IFFO1: variants seen among roughly 807,000 people sequenced by gnomAD.
IFFO1 encodes the protein intermediate filament family orphan 1.
Under a neutral mutation model 59.6 loss-of-function variants are expected in IFFO1, and 42 were observed. The observed-to-expected ratio is 0.70, with a 90% CI of 0.55 to 0.91. The LOEUF (loss-of-function observed/expected upper bound fraction) is 0.91, where lower values mean the gene tolerates loss of function less well. Ranked by LOEUF, IFFO1 falls within the 40% of genes least tolerant of loss-of-function variation. The pLI is 0.00. For missense variants in IFFO1, 711 were observed against 793.2 expected, an observed-to-expected ratio of 0.90 and a Z score of 1.24; for synonymous variants, 336 against 342.8, an observed-to-expected ratio of 0.98 and a Z score of 0.22.
chr12:6,540,586 T>C lies in IFFO1; in HGVS notation c.1613A>G (p.Lys538Arg). The change falls in exon 10 of 10, where the codon AAG (lysine) becomes AGG (arginine). Residue 538 changes from lysine to arginine, a missense_variant and splice_region_variant. Around this residue, in one of 3 missense-constraint regions of IFFO1, gnomAD observed 579 missense variants for 650.3 expected, o/e 0.89. Transcript: ENST00000619571. The stretch of plus-strand genomic sequence containing the variant: ...CGGGACCGCAGTGAAAGCAGGAGAC[T>C]TTCTAGAAAAAAACACCAGTTGTCA... The part of the protein sequence containing the change: ...RRLITQSGDR[K>R]SPAFTAVPLS... 2.5e-6 allele frequency: 4 copies of C among 1,612,992 alleles called. No individual in the cohort carries two copies. Among genetic ancestry groups the C allele is most frequent in the Non-Finnish European group, 3.4e-6 (4 of 1,179,678 alleles).
At chr12:6,552,978 A>G (rs1427716803) in intron 1 of IFFO1, among the ~76,000 whole-genome samples, 1 of 152,220 alleles carries the variant, frequency 6.6e-6, no homozygotes, top group African/African-American at 2.4e-5. Context: ...GAAGAGAGAA[A>G]GCAGGGACCA....
At position 6,548,408 on chromosome 12, in the gene IFFO1, C is replaced by T; in HGVS notation, c.1383+17G>A. ...GAGGCAGAGCCAGAGGGCCCTGAGG[C>T]CGGGAGCAGAGGTTACCTCTCCCTG... On this transcript the variant is annotated intron_variant, in intron 7 of 9. Transcript: ENST00000619571. This position sits in a 1 kb window ranked among gnomAD's most constrained non-coding sequence, Gnocchi z 6.1. 6.3e-7 allele frequency: 1 copy of T among 1,596,926 alleles called. No individual in the cohort carries two copies. Among genetic ancestry groups the T allele is most frequent in the Non-Finnish European group, 8.5e-7 (1 of 1,171,800 alleles).
At chr12:6,539,529 G>C (rs181751345), downstream of IFFO1, 54 of 151,966 alleles carry the variant, frequency 3.6e-4, no homozygotes, top group African/African-American at 1.3e-3. Context: ...ACACCAAAGT[G>C]CACAATAAAT....
chr12:6,548,052 C>T lies in IFFO1; in HGVS notation c.1479+13G>A, dbSNP rs75976428. 1.1e-3 allele frequency: 1,847 copies of T among 1,606,992 alleles called. 18 individuals carry two copies. The African/African-American group carries it at 0.022, about 19-fold the overall frequency. ...TGGGACACCACGCCCCTGGCTTCCG[C>T]TCCTGCCCTTACCTCTATCTGGTCA... On this transcript the variant is annotated intron_variant, in intron 8 of 9. Coordinates refer to ENST00000619571, the MANE Select transcript of IFFO1 (RefSeq NM_001193457.2). The surrounding 1 kb of genome is among the most constrained non-coding windows in gnomAD (Gnocchi z 6.1).
At chr12:6,546,544 T>C (rs935299758) in intron 8 of IFFO1, among the ~76,000 whole-genome samples, 9 of 152,260 alleles carry the variant, frequency 5.9e-5, no homozygotes, top group Middle Eastern at 3.4e-3. Context: ...AGTGCAGTGG[T>C]GCGATCTCGG....
At chr12:6,553,989 C>T (rs1469280371) in intron 1 of IFFO1, among the ~76,000 whole-genome samples, 2 of 151,978 alleles carry the variant, frequency 1.3e-5, no homozygotes, top group African/African-American at 4.8e-5. Context: ...CTTTACTTTG[C>T]ATTTACTTCT....
intron 8 of IFFO1, among the ~76,000 whole-genome samples, chr12:6,546,732 T>A (rs1946985994): frequency 6.6e-6 from 1 of 151,930 alleles, no homozygotes; most frequent in South Asian, 2.1e-4. Context: ...CTCGTGATCT[T>A]CCCGCCTCGG....
In IFFO1 at chr12:6,542,269, C is replaced by T. The variant is rs554365217; in HGVS notation, c.1480-627G>A. On this transcript the variant is annotated intron_variant, in intron 8 of 9. Coordinates refer to ENST00000619571, the MANE Select transcript of IFFO1 (RefSeq NM_001193457.2). ...ATTGGAGGTGCCATTGATTCTGAGA[C>T]CTGTCCTGATTTCAGAAATGTCACA... is the stretch of plus-strand genomic sequence containing the variant. Among the ~76,000 whole-genome samples, 28 of 152,336 alleles carry T rather than the reference C, an allele frequency of 1.8e-4. No homozygotes were observed. In the East Asian group the frequency reaches 5.4e-3, roughly 29 times the overall value.
chr12:6,540,364 G>C lies in IFFO1; in HGVS notation c.*119C>G. On this transcript the variant is annotated 3_prime_UTR_variant, in exon 10 of 10. Coordinates refer to ENST00000619571, the MANE Select transcript of IFFO1 (RefSeq NM_001193457.2). ...GAAAGCCTGAGGGAGGAGCGCCCCAGTCCCCAGGGACCGGCCTGGTGCAGA... is the reference window on the plus strand; with the variant it reads ...GAAAGCCTGAGGGAGGAGCGCCCCACTCCCCAGGGACCGGCCTGGTGCAGA... 1.2e-6 allele frequency: 1 copy of C among 837,690 alleles called. No homozygotes were observed. The highest frequency in any genetic ancestry group is 2.0e-6 in the Non-Finnish European group (1 of 494,106). 51.9% of individuals were successfully genotyped at this position (837,690 alleles called of 1,614,324 possible).
In IFFO1 at chr12:6,549,642, T is replaced by G; in HGVS notation, c.1071+114A>C. 1 of 1,459,786 alleles carries G rather than the reference T, an allele frequency of 6.9e-7. No individual in the cohort carries two copies. Among genetic ancestry groups the G allele is most frequent in the Non-Finnish European group, 9.4e-7 (1 of 1,061,560 alleles). 90.4% of individuals were successfully genotyped at this position (1,459,786 alleles called of 1,614,324 possible). On this transcript the variant is annotated intron_variant, in intron 4 of 9. Coordinates refer to ENST00000619571, the MANE Select transcript of IFFO1 (RefSeq NM_001193457.2). The surrounding 1 kb of genome is among the most constrained non-coding windows in gnomAD (Gnocchi z 5.0). ...CAGTCTAGCCCCGTGAGGGCCCCAGTTGCCAGGTAAGGCTCCCCAAGCAGG... is the reference window on the plus strand; with the variant it reads ...CAGTCTAGCCCCGTGAGGGCCCCAGGTGCCAGGTAAGGCTCCCCAAGCAGG...
chr12:6,546,606 C>T (rs1018446715), intron 8 of IFFO1, among the ~76,000 whole-genome samples: 1 of 152,222 alleles, frequency 6.6e-6, no homozygotes, highest in Non-Finnish European at 1.5e-5. Context: ...GCCTCAGCCT[C>T]CCGAGTAGCT....
chr12:6,555,737 T>C lies in IFFO1; in HGVS notation c.293A>G (p.Asn98Ser), dbSNP rs2136155540. ...LAKVHELERR[N>S]RLLEKQLQQA... ...CTGCAGTTGCTTCTCCAACAGCCGG[T>C]TCCGGCGCTCCAGCTCATGCACCTT... The change falls in exon 1 of 10, where the codon AAC (asparagine) becomes AGC (serine). Residue 98 changes from asparagine to serine, a missense_variant. By Grantham distance (46) the Asn-to-Ser change is conservative. This residue lies in a region of IFFO1 where 18 missense variants were observed against 40.5 expected (regional missense o/e 0.44). Coordinates refer to ENST00000619571, the MANE Select transcript of IFFO1 (RefSeq NM_001193457.2). The surrounding 1 kb of genome is among the most constrained non-coding windows in gnomAD (Gnocchi z 8.6). 6.2e-7 allele frequency: 1 copy of C among 1,612,774 alleles called. No homozygotes were observed. The highest frequency in any genetic ancestry group is 8.5e-7 in the Non-Finnish European group (1 of 1,179,354).
rs935955015 is a variant in IFFO1, at chr12:6,549,048, G to A, written c.1081-199C>T. 2.3e-5 allele frequency: 14 copies of A among 596,722 alleles called. No individual in the cohort carries two copies. The highest frequency in any genetic ancestry group is 9.2e-5 in the Admixed American group (3 of 32,618). 37.0% of individuals were successfully genotyped at this position (596,722 alleles called of 1,614,324 possible). ...ACAGCGGGGGTCAGGGCTGCAAACCGAGAAGGCAGAACAAGAAGAAATCGA... is the reference window on the plus strand; with the variant it reads ...ACAGCGGGGGTCAGGGCTGCAAACCAAGAAGGCAGAACAAGAAGAAATCGA... On this transcript the variant is annotated intron_variant, in intron 5 of 9. Transcript: ENST00000619571. This position sits in a 1 kb window ranked among gnomAD's most constrained non-coding sequence, Gnocchi z 5.0.
intron 8 of IFFO1, among the ~76,000 whole-genome samples, chr12:6,542,897 C>A (rs897316601): frequency 2.6e-5 from 4 of 152,192 alleles, no homozygotes; most frequent in Non-Finnish European, 4.4e-5. Context: ...AGGAAATGAA[C>A]CAAATATATT....
chr12:6,541,426 T>A lies in IFFO1; in HGVS notation c.1610+86A>T, dbSNP rs781292444. On this transcript the variant is annotated intron_variant, in intron 9 of 9. Transcript: ENST00000619571. This position sits in a 1 kb window ranked among gnomAD's most constrained non-coding sequence, Gnocchi z 4.8. ...CCCACAGCAAGATGTGACCCAGTCATTGCCTGAGGGTCTCTGGGGCTGTGT... is the reference window on the plus strand; with the variant it reads ...CCCACAGCAAGATGTGACCCAGTCAATGCCTGAGGGTCTCTGGGGCTGTGT... 1 of 1,539,382 alleles carries A rather than the reference T, an allele frequency of 6.5e-7. No individual in the cohort carries two copies.
intron 1 of IFFO1, chr12:6,551,336 G>C (rs1016615075): frequency 2.0e-6 from 2 of 982,832 alleles, no homozygotes; most frequent in Non-Finnish European, 2.8e-6. Context: ...CTGTCCGGCT[G>C]GCCTCATTGC....
In IFFO1 at chr12:6,541,705, C is replaced by T. The variant is rs1420595319; in HGVS notation, c.1480-63G>A. Reference sequence around the variant, plus strand: ...TGGCGTTCACAGCGCCTCTGTTGCCCCCGCCAGGAGGCCAACACGCCAAGA... The same window carrying T: ...TGGCGTTCACAGCGCCTCTGTTGCCTCCGCCAGGAGGCCAACACGCCAAGA... On this transcript the variant is annotated intron_variant, in intron 8 of 9. Transcript: ENST00000619571. The surrounding 1 kb of genome is among the most constrained non-coding windows in gnomAD (Gnocchi z 4.8). 1 of 1,602,164 alleles carries T rather than the reference C, an allele frequency of 6.2e-7. No individual in the cohort carries two copies. Among genetic ancestry groups the T allele is most frequent in the South Asian group, 1.1e-5 (1 of 90,616 alleles).
chr12:6,554,254 G>A (rs886288699), intron 1 of IFFO1, among the ~76,000 whole-genome samples: 6 of 152,104 alleles, frequency 3.9e-5, no homozygotes, highest in African/African-American at 1.4e-4. Context: ...TCCCAGGCCC[G>A]CCCACAAGGG....
chr12:6,544,898 C>T (rs564525733), intron 8 of IFFO1: 6 of 152,352 alleles, frequency 3.9e-5, no homozygotes, highest in African/African-American at 1.2e-4. Context: ...CCTTCTCAAA[C>T]ACCTCCAATG....
Sources: gnomAD v4.1 joint callset for allele counts (sites outside exome capture counted in the v4.1 genomes callset) on GRCh38, gnomAD v4.1.1 for gene constraint, gnomAD v4.1.1 regional missense constraint, Gnocchi (gnomAD v3.1) non-coding constraint, MANE v1.5 for transcripts, NCBI Gene and HGNC (gene_info 2026-07-23, HGNC 2026-07-21) for gene names.